Variants in RUNX1 observed in about 807,000 individuals in gnomAD.
RUNX1 encodes the protein RUNX family transcription factor 1.
In RUNX1, 19 loss-of-function variants were observed where a neutral mutation model predicts 42.8. The observed-to-expected ratio is 0.44, with a 90% confidence interval of 0.31 to 0.65. RUNX1 has a LOEUF of 0.65. Ranked by LOEUF, RUNX1 falls within the 30% of genes least tolerant of loss-of-function variation. The pLI, the probability that RUNX1 is intolerant of heterozygous loss-of-function variation, is 0.07. For missense variants in RUNX1, 528 were observed against 672.0 expected (o/e 0.79, Z 2.37); for synonymous variants, 271 against 289.4 (o/e 0.94, Z 0.64).
Position 35,003,460 on chromosome 21 carries a change from TACTTA to T in RUNX1, c.58+45377_58+45381del, listed in dbSNP as rs780124290. 7.2e-5 allele frequency among the ~76,000 whole-genome samples: 11 copies of T among 152,010 alleles called. No individual in the cohort carries two copies. In the South Asian group the frequency reaches 1.0e-3, roughly 14 times the overall value. On this transcript the variant is annotated intron_variant, in intron 2 of 8. Transcript: ENST00000675419. Reference sequence around the variant, plus strand: ...TGCCAAACAAATGTACAATTGCACATACTTAACTTATGATTTTTACTTTGATGATA... The same window carrying T: ...TGCCAAACAAATGTACAATTGCACATACTTATGATTTTTACTTTGATGATA...
chr21:35,018,245 C>T (rs2146935480), intron 2 of RUNX1, among the ~76,000 whole-genome samples: 1 of 152,252 alleles, frequency 6.6e-6, no homozygotes, highest in Admixed American at 6.5e-5. Flanking sequence ...AGACTGGTCT[C>T]AAACTCCTCA....
At chr21:34,828,634 T>C (rs2057022535) in intron 7 of RUNX1, among the ~76,000 whole-genome samples, 1 of 152,222 alleles carries the variant, frequency 6.6e-6, no homozygotes. Context: ...GTTGCCATCA[T>C]GGCAATGTTG....
intron 2 of RUNX1, among the ~76,000 whole-genome samples, chr21:35,000,692 A>G (rs2059035630): frequency 6.6e-6 from 1 of 152,202 alleles, no homozygotes; most frequent in South Asian, 2.1e-4. Context: ...TTGGACTTGT[A>G]TAAGTAACAT....
At chr21:35,009,426 C>T (rs1202671631) in intron 2 of RUNX1, among the ~76,000 whole-genome samples, 1 of 152,188 alleles carries the variant, frequency 6.6e-6, no homozygotes, top group Non-Finnish European at 1.5e-5. Context: ...AATCTTGAGG[C>T]ACTACAAGCC....
At position 34,861,401 on chromosome 21, in the gene RUNX1, A is replaced by G. The variant is rs2057573114; in HGVS notation, c.509-1823T>C. On this transcript the variant is annotated intron_variant, in intron 5 of 8. Transcript: ENST00000675419. ...CTTTCCAAGAACAGATCCAGGAGCA[A>G]TGACAGCCACAGACGGGGAGCAGCC... 3.3e-5 allele frequency among the ~76,000 whole-genome samples: 5 copies of G among 152,278 alleles called. 1 individual carries two copies. The South Asian group carries it at 1.0e-3, about 32-fold the overall frequency.
intron 5 of RUNX1, among the ~76,000 whole-genome samples, chr21:34,864,558 G>T (rs1214190565): frequency 6.6e-6 from 1 of 152,218 alleles, no homozygotes; most frequent in Non-Finnish European, 1.5e-5. Flanking sequence ...GTGCACAGAT[G>T]GCCCCAGCAC....
intron 5 of RUNX1, among the ~76,000 whole-genome samples, chr21:34,879,477 T>A (rs1335966238): frequency 6.6e-6 from 1 of 152,172 alleles, no homozygotes; most frequent in Non-Finnish European, 1.5e-5. Flanking sequence ...AATCAAATTC[T>A]CTGAGAACTG....
chr21:34,871,722 C>T (rs2057740228), intron 5 of RUNX1, among the ~76,000 whole-genome samples: 1 of 152,170 alleles, frequency 6.6e-6, no homozygotes, highest in Non-Finnish European at 1.5e-5. Context: ...AACCCACAAA[C>T]CTTGGTCCTG....
At chr21:34,911,327 C>G (rs2058270426) in intron 2 of RUNX1, among the ~76,000 whole-genome samples, 1 of 152,322 alleles carries the variant, frequency 6.6e-6, no homozygotes, top group Admixed American at 6.5e-5. Context: ...TTAACAACAG[C>G]TGCCACCTGC....
intron 2 of RUNX1, among the ~76,000 whole-genome samples, chr21:35,031,594 T>C (rs901865094): frequency 2.0e-5 from 3 of 152,062 alleles, no homozygotes; most frequent in African/African-American, 7.2e-5. Flanking sequence ...CTATTCATAA[T>C]AACCAAGATA....
chr21:34,848,474 A>G (rs2268286), intron 6 of RUNX1, among the ~76,000 whole-genome samples: 48,090 of 152,104 alleles, frequency 0.32, 7,953 homozygotes, highest in East Asian at 0.5. Context: ...TCACTCTGTC[A>G]CCCAGGCTGG....
chr21:34,944,552 G>C (rs2058551158), intron 2 of RUNX1, among the ~76,000 whole-genome samples: 1 of 152,200 alleles, frequency 6.6e-6, no homozygotes, highest in African/African-American at 2.4e-5. Context: ...TTGGCCTCAT[G>C]TGAGTGCTTC....
At chr21:34,871,410 A>C (rs1392419604) in intron 5 of RUNX1, among the ~76,000 whole-genome samples, 1 of 152,146 alleles carries the variant, frequency 6.6e-6, no homozygotes, top group Admixed American at 6.5e-5. Context: ...ATACACGGAG[A>C]AGGAAAATTA....
intron 2 of RUNX1, among the ~76,000 whole-genome samples, chr21:34,957,683 C>T (rs1016276542): frequency 6.6e-6 from 1 of 152,138 alleles, no homozygotes; most frequent in African/African-American, 2.4e-5. Flanking sequence ...ATGATATTCA[C>T]ACATCATAAT....
intron 2 of RUNX1, among the ~76,000 whole-genome samples, chr21:34,993,236 T>C (rs1026316381): frequency 6.6e-6 from 1 of 152,206 alleles, no homozygotes; most frequent in African/African-American, 2.4e-5. Context: ...GCCTTAGCGA[T>C]GTCACTCCTG....
rs550216848 is a variant in RUNX1 at position 34,843,622 on chromosome 21, A to C, written c.614-9021T>G. Among the ~76,000 whole-genome samples, 32 of 152,308 alleles carry C rather than the reference A, an allele frequency of 2.1e-4. No homozygotes were observed. Among genetic ancestry groups the C allele is most frequent in the African/African-American group, 5.5e-4 (23 of 41,568 alleles). On this transcript the variant is annotated intron_variant, in intron 6 of 8. Transcript: ENST00000675419. This position sits in a 1 kb window ranked among gnomAD's most constrained non-coding sequence, Gnocchi z 4.8. ...GGAAAGGCTGGCCAACGCCAAGGCA[A>C]GATCAACAACCAATACAACTTCAAG...
At chr21:34,856,047 A>T (rs1408201353) in intron 6 of RUNX1, among the ~76,000 whole-genome samples, 1 of 152,260 alleles carries the variant, frequency 6.6e-6, no homozygotes, top group Non-Finnish European at 1.5e-5. Context: ...GTAAAAGAGC[A>T]AGAAACCATC....
At chr21:34,835,438 GGT>G (rs2057132335) in intron 6 of RUNX1, among the ~76,000 whole-genome samples, 1 of 151,420 alleles carries the variant, frequency 6.6e-6, no homozygotes, top group Non-Finnish European at 1.5e-5. Context: ...AGGGTGGGAT[GGT>G]GGGCCCCTCA....
In RUNX1 at chr21:34,834,228, G is replaced by A. The variant is rs1231421156; in HGVS notation, c.805+182C>T. ...AGATCTGACTCGGTGGGTCTGGGGTGGGTGGGGCCCAAGACTCTGCATTTC... is the reference window on the plus strand; with the variant it reads ...AGATCTGACTCGGTGGGTCTGGGGTAGGTGGGGCCCAAGACTCTGCATTTC... On this transcript the variant is annotated intron_variant, in intron 7 of 8. Transcript: ENST00000675419. 7.0e-6 allele frequency: 5 copies of A among 717,052 alleles called. No homozygotes were observed. In the East Asian group the frequency reaches 8.0e-5, roughly 12 times the overall value. The allele number at this position is 717,052 out of a possible 1,614,324, so 44.4% of individuals were successfully genotyped here.
Sources: allele counts gnomAD v4.1 joint callset (sites outside exome capture counted in the v4.1 genomes callset), GRCh38; gene constraint gnomAD v4.1.1; non-coding constraint Gnocchi (gnomAD v3.1); transcripts MANE v1.5; gene names NCBI Gene and HGNC (gene_info 2026-07-23, HGNC 2026-07-21).